Variants in BCAS3 observed in about 807,000 individuals in gnomAD.
BCAS3 encodes the protein BCAS3 microtubule associated cell migration factor, also known as BCAS4/BCAS3 fusion.
In BCAS3, 53 loss-of-function variants were observed where a neutral mutation model predicts 116.1. That is an observed-to-expected ratio of 0.46 (90% CI 0.37 to 0.57). The LOEUF is 0.57. Among genes scored for constraint, BCAS3 ranks in the 20% least tolerant of loss-of-function variants. The pLI is 0.00. For missense variants in BCAS3, 917 were observed against 1,165.4 expected (o/e 0.79, Z 3.10); for synonymous variants, 391 against 408.2 (o/e 0.96, Z 0.51).
chr17:60,766,019 A>G (rs8071663), intron 6 of BCAS3, among the ~76,000 whole-genome samples: 42,134 of 152,116 alleles, frequency 0.28, 11,532 homozygotes, highest in African/African-American at 0.72. Context: ...TTCTCGTGCC[A>G]TGGTTTTCAG....
rs934774939 is a variant in BCAS3 at position 61,339,079 on chromosome 17, T to A, written c.2426-29248T>A. ...CCCATCTGCCTCTCCCATTTTCTCA[T>A]GTTCTTTTGGACTCTATTACTCAAT... On this transcript the variant is annotated intron_variant, in intron 22 of 23. Coordinates refer to ENST00000407086, the MANE Select transcript of BCAS3 (RefSeq NM_017679.5). This position sits in a 1 kb window ranked among gnomAD's most constrained non-coding sequence, Gnocchi z 4.4. 2.0e-5 allele frequency among the ~76,000 whole-genome samples: 3 copies of A among 151,978 alleles called. No individual in the cohort carries two copies. The highest frequency in any genetic ancestry group is 7.3e-5 in the African/African-American group (3 of 41,376).
chr17:60,846,331 C>T (rs2052533817), intron 7 of BCAS3, among the ~76,000 whole-genome samples: 1 of 152,168 alleles, frequency 6.6e-6, no homozygotes, highest in Admixed American at 6.5e-5. Flanking sequence ...ACACAGGGAT[C>T]CCCACTGACT....
At chr17:60,916,646 C>T (rs143450698) in intron 12 of BCAS3, among the ~76,000 whole-genome samples, 2 of 151,900 alleles carry the variant, frequency 1.3e-5, no homozygotes, top group East Asian at 1.9e-4. Flanking sequence ...GTGTGTTGAC[C>T]GATGTGTGTG....
In BCAS3 at chr17:61,203,258, A is replaced by G. The variant is rs553021766; in HGVS notation, c.2425+118694A>G. Reference sequence around the variant, plus strand: ...CTGCAGCCTCTACTTCCTGGGTTCAAATGATTCTCCTGCCTCAGCCTCCCG... The same window carrying G: ...CTGCAGCCTCTACTTCCTGGGTTCAGATGATTCTCCTGCCTCAGCCTCCCG... On this transcript the variant is annotated intron_variant, in intron 22 of 23. Coordinates refer to ENST00000407086, the MANE Select transcript of BCAS3 (RefSeq NM_017679.5). This position sits in a 1 kb window ranked among gnomAD's most constrained non-coding sequence, Gnocchi z 5.7. Among the ~76,000 whole-genome samples, 2 of 152,006 alleles carry G rather than the reference A, an allele frequency of 1.3e-5. No homozygotes were observed. Among genetic ancestry groups the G allele is most frequent in the African/African-American group, 4.8e-5 (2 of 41,370 alleles).
intron 5 of BCAS3, among the ~76,000 whole-genome samples, chr17:60,727,774 T>G (rs1052850430): frequency 1.3e-5 from 2 of 151,738 alleles, no homozygotes; most frequent in Non-Finnish European, 2.9e-5. Flanking sequence ...GTCCATAGCT[T>G]ACAGTAGGAT....
At chr17:60,810,969 CAA>C (rs2048755852) in intron 7 of BCAS3, 1 of 675,160 alleles carries the variant, frequency 1.5e-6, no homozygotes, top group African/African-American at 1.8e-5. Flanking sequence ...AGGAGCTGGA[CAA>C]GTACTAGTCT....
chr17:60,938,386 C>A (rs1012429911), intron 13 of BCAS3, among the ~76,000 whole-genome samples: 2 of 152,044 alleles, frequency 1.3e-5, no homozygotes, highest in African/African-American at 4.8e-5. Context: ...TGATTTTTGA[C>A]AAAAGTGGCA....
rs528112607 is a variant in BCAS3, at chr17:61,213,002, A to G, written c.2425+128438A>G. ...CATTATATTGTACATAAGTGCTTTT[A>G]TGTTTTAGATTTGAATCCCAACTAG... On this transcript the variant is annotated intron_variant, in intron 22 of 23. Coordinates refer to ENST00000407086, the MANE Select transcript of BCAS3 (RefSeq NM_017679.5). The surrounding 1 kb of genome is among the most constrained non-coding windows in gnomAD (Gnocchi z 5.4). Among the ~76,000 whole-genome samples the G allele has an allele frequency of 6.6e-6, 1 of 151,926 alleles. No individual in the cohort carries two copies. The highest frequency in any genetic ancestry group is 1.5e-5 in the Non-Finnish European group (1 of 67,976).
At chr17:60,872,529 G>A (rs1367966394) in intron 8 of BCAS3, among the ~76,000 whole-genome samples, 2 of 144,038 alleles carry the variant, frequency 1.4e-5, no homozygotes, top group East Asian at 4.1e-4. Flanking sequence ...ATATATATCT[G>A]TATGTGTATA....
intron 22 of BCAS3, among the ~76,000 whole-genome samples, chr17:61,166,877 G>A (rs1042296088): frequency 1.3e-4 from 20 of 151,912 alleles, no homozygotes; most frequent in African/African-American, 4.8e-4. Context: ...ACCATGACTG[G>A]CTAATTTTGT....
Position 61,084,099 on chromosome 17 carries a change from A to G in BCAS3, c.2328-368A>G, listed in dbSNP as rs1308570515. Among the ~76,000 whole-genome samples the G allele has an allele frequency of 2.0e-5, 3 of 152,206 alleles. No homozygotes were observed. Among genetic ancestry groups the G allele is most frequent in the African/African-American group, 4.8e-5 (2 of 41,448 alleles). ...ATATTAGTGAATTTCAGGATTCTCAAAACTCTTCATGTGTGTCCCTTGGAA... is the reference window on the plus strand; with the variant it reads ...ATATTAGTGAATTTCAGGATTCTCAGAACTCTTCATGTGTGTCCCTTGGAA... On this transcript the variant is annotated intron_variant, in intron 21 of 23. Transcript: ENST00000407086. The surrounding 1 kb of genome is among the most constrained non-coding windows in gnomAD (Gnocchi z 5.5).
intron 4 of BCAS3, among the ~76,000 whole-genome samples, chr17:60,695,273 A>T (rs1040267951): frequency 2.0e-5 from 3 of 152,084 alleles, no homozygotes; most frequent in Middle Eastern, 3.2e-3. Flanking sequence ...GGCGTGCGCC[A>T]TCACACCTAG....
At chr17:61,099,779 G>T (rs1278475880) in intron 22 of BCAS3, among the ~76,000 whole-genome samples, 1 of 152,174 alleles carries the variant, frequency 6.6e-6, no homozygotes, top group Non-Finnish European at 1.5e-5. Flanking sequence ...ACAGGCTTTT[G>T]CTTTCTGCTC....
intron 5 of BCAS3, among the ~76,000 whole-genome samples, chr17:60,735,014 GT>G (rs1176302022): frequency 6.6e-6 from 1 of 152,112 alleles, no homozygotes; most frequent in African/African-American, 2.4e-5. Flanking sequence ...CAGTTTTATA[GT>G]TTTCCTCATA....
chr17:60,804,477 G>C (rs1391123973), intron 6 of BCAS3, among the ~76,000 whole-genome samples: 1 of 151,918 alleles, frequency 6.6e-6, no homozygotes, highest in African/African-American at 2.4e-5. Flanking sequence ...CATCTCAAAA[G>C]AAAAACAAGA....
chr17:60,867,217 T>C (rs2144881147), intron 7 of BCAS3, among the ~76,000 whole-genome samples: 1 of 152,100 alleles, frequency 6.6e-6, no homozygotes, highest in South Asian at 2.1e-4. Context: ...GCAATTTTCC[T>C]GCTTCAGCCT....
intron 22 of BCAS3, among the ~76,000 whole-genome samples, chr17:61,236,081 C>T (rs1382098975): frequency 6.6e-6 from 1 of 152,162 alleles, no homozygotes; most frequent in African/African-American, 2.4e-5. Context: ...AGCCTTACTG[C>T]ACAATAAAAC....
intron 7 of BCAS3, chr17:60,810,399 G>C (rs1296166928): frequency 4.1e-6 from 2 of 488,050 alleles, no homozygotes; most frequent in African/African-American, 4.0e-5. Flanking sequence ...GAGGCATCCA[G>C]AATGAGAAAG....
At chr17:60,802,283 C>CAAAAA (rs1174016996) in intron 6 of BCAS3, among the ~76,000 whole-genome samples, 54 of 107,916 alleles carry the variant, frequency 5.0e-4, no homozygotes, top group African/African-American at 1.9e-3. Context: ...GACTCTGTCT[C>CAAAAA]AAAAAAAAAA....
Sources: allele counts gnomAD v4.1 joint callset (sites outside exome capture counted in the v4.1 genomes callset), GRCh38; gene constraint gnomAD v4.1.1; non-coding constraint Gnocchi (gnomAD v3.1); transcripts MANE v1.5; gene names NCBI Gene and HGNC (gene_info 2026-07-23, HGNC 2026-07-21).